Variants in DEPDC1B observed in about 807,000 individuals in gnomAD.
The protein encoded by DEPDC1B is DEP domain-containing protein 1B.
Under a neutral mutation model 66.5 loss-of-function variants are expected in DEPDC1B, and 51 were observed. That is an observed-to-expected ratio of 0.77 (90% CI 0.61 to 0.97). The LOEUF is 0.97. DEPDC1B is among the 50% of genes least tolerant of loss of function. DEPDC1B has a pLI of 0.00. For missense variants in DEPDC1B, 552 were observed against 637.1 expected (o/e 0.87, Z 1.44); for synonymous variants, 226 against 223.6 (o/e 1.01, Z -0.10).
intron 2 of DEPDC1B, among the ~76,000 whole-genome samples, chr5:60,648,376 C>A (rs1005537179): frequency 6.6e-6 from 1 of 152,180 alleles, no homozygotes; most frequent in African/African-American, 2.4e-5. Context: ...TGTGTCCTGA[C>A]GCTTCTCTAA....
Position 60,638,938 on chromosome 5 carries a change from C to T in DEPDC1B, c.758-48G>A, listed in dbSNP as rs147980798. ...AGAGAAACATTAATGGAGTAATTAC[C>T]TCTAAGTATTATTCTCTGTGAATAT... is the stretch of plus-strand genomic sequence containing the variant. On this transcript the variant is annotated intron_variant, in intron 6 of 10. Coordinates refer to ENST00000265036, the MANE Select transcript of DEPDC1B (RefSeq NM_018369.3). 2.0e-4 allele frequency: 323 copies of T among 1,588,848 alleles called. 2 individuals carry two copies. In the African/African-American group the frequency reaches 3.7e-3, roughly 18 times the overall value.
intron 1 of DEPDC1B, among the ~76,000 whole-genome samples, chr5:60,699,747 G>A (rs1754741055): frequency 6.6e-6 from 1 of 152,170 alleles, no homozygotes; most frequent in South Asian, 2.1e-4. Context: ...GAGGACAAAA[G>A]GCAGGGAACA....
chr5:60,673,968 T>C (rs866762313), intron 2 of DEPDC1B, among the ~76,000 whole-genome samples: 68 of 152,184 alleles, frequency 4.5e-4, no homozygotes, highest in African/African-American at 1.6e-3. Context: ...GCTAAGCATG[T>C]GGGAGTCATC....
intron 2 of DEPDC1B, among the ~76,000 whole-genome samples, chr5:60,675,509 C>T (rs1235428424): frequency 1.3e-5 from 2 of 152,104 alleles, no homozygotes; most frequent in Admixed American, 1.3e-4. Flanking sequence ...GGCTTGAAAA[C>T]AGTTACAGTT....
chr5:60,622,966 T>C (rs1206172781), intron 7 of DEPDC1B, among the ~76,000 whole-genome samples: 1 of 152,188 alleles, frequency 6.6e-6, no homozygotes, highest in Non-Finnish European at 1.5e-5. Flanking sequence ...TAACAGTATA[T>C]TTCAAAGAGC....
chr5:60,619,737 G>A (rs1191591298), intron 7 of DEPDC1B, among the ~76,000 whole-genome samples: 1 of 152,172 alleles, frequency 6.6e-6, no homozygotes, highest in African/African-American at 2.4e-5. Flanking sequence ...TAGATTCAAT[G>A]CCATCCCCAT....
intron 1 of DEPDC1B, among the ~76,000 whole-genome samples, chr5:60,698,653 T>C (rs924702357): frequency 6.7e-6 from 1 of 148,942 alleles, no homozygotes; most frequent in Non-Finnish European, 1.5e-5. Context: ...TCACAGACTC[T>C]CCCAATCTCC....
At position 60,613,828 on chromosome 5, in the gene DEPDC1B, G is replaced by GTGTGTGTGTGTA. The variant is rs3989094; in HGVS notation, c.899-7973_899-7972insTACACACACACA. Reference sequence around the variant, plus strand: ...TGTGTGTGTGTGTGTGTGTGTGTGTGTATACATAAAAAACAGATGTAGGGT... The same window carrying GTGTGTGTGTGTA: ...TGTGTGTGTGTGTGTGTGTGTGTGTGTGTGTGTGTGTATATACATAAAAAACAGATGTAGGGT... On this transcript the variant is annotated intron_variant, in intron 7 of 10. Transcript: ENST00000265036. 8.1e-3 allele frequency among the ~76,000 whole-genome samples: 1,177 copies of GTGTGTGTGTGTA among 144,440 alleles called. 15 individuals are homozygous for GTGTGTGTGTGTA. The highest frequency in any genetic ancestry group is 0.014 in the African/African-American group (524 of 38,136). 94.8% of individuals were successfully genotyped at this position (144,440 alleles called of 152,430 possible). A position where few individuals can be genotyped will look rare whatever the true frequency, so the allele number is the denominator to read the frequency against.
intron 1 of DEPDC1B, among the ~76,000 whole-genome samples, chr5:60,694,662 T>A (rs1395666299): frequency 6.6e-6 from 1 of 152,234 alleles, no homozygotes; most frequent in Non-Finnish European, 1.5e-5. Context: ...TTTCTTCTTC[T>A]GAGATTTGCC....
At chr5:60,623,589 A>G (rs1752753569) in intron 7 of DEPDC1B, among the ~76,000 whole-genome samples, 1 of 152,192 alleles carries the variant, frequency 6.6e-6, no homozygotes, top group African/African-American at 2.4e-5. Context: ...TAAATAATCC[A>G]TGTATCAATT....
At chr5:60,669,824 C>T (rs1753987052) in intron 2 of DEPDC1B, among the ~76,000 whole-genome samples, 1 of 152,132 alleles carries the variant, frequency 6.6e-6, no homozygotes, top group Non-Finnish European at 1.5e-5. Context: ...CTGAAAGACA[C>T]TCCTACCTTA....
intron 4 of DEPDC1B, 78 bp from the exon 5 acceptor site, chr5:60,644,953 C>A: frequency 8.5e-7 from 1 of 1,175,370 alleles, no homozygotes; most frequent in South Asian, 1.8e-5. Context: ...TACAAAAAAT[C>A]AATCTTTATA....
intron 2 of DEPDC1B, among the ~76,000 whole-genome samples, chr5:60,681,616 C>CGT: frequency 6.6e-6 from 1 of 152,108 alleles, no homozygotes. Flanking sequence ...AAACATGAAA[C>CGT]CTCCAAAGAG....
intron 1 of DEPDC1B, 137 bp from the exon 2 acceptor site, chr5:60,687,364 T>C: frequency 1.8e-6 from 2 of 1,109,076 alleles, no homozygotes; most frequent in East Asian, 2.6e-5. Context: ...GAAAATGTTT[T>C]ATTTACAGGC....
At chr5:60,619,157 T>C (rs1453026513) in intron 7 of DEPDC1B, among the ~76,000 whole-genome samples, 1 of 152,162 alleles carries the variant, frequency 6.6e-6, no homozygotes, top group Non-Finnish European at 1.5e-5. Flanking sequence ...TAAGAGCTAT[T>C]TATGACAAAC....
chr5:60,700,072 G>A lies in DEPDC1B; in HGVS notation c.22C>T (p.Pro8Ser). Residue 8 changes from proline (P) to serine (S), a missense_variant, in exon 1 of 11, where the codon CCC (proline) becomes TCC (serine). Coordinates refer to ENST00000265036, the MANE Select transcript of DEPDC1B (RefSeq NM_018369.3). ...AGCCTGGTAGCTCGGTACGGCCCGG[G>A]CCCCACGATGCGATGCTCCATGGCG... MEHRIVG[P>S]GPYRATRLWN... The A allele has an allele frequency of 6.4e-7, 1 of 1,557,422 alleles. No homozygotes were observed. The highest frequency in any genetic ancestry group is 8.7e-7 in the Non-Finnish European group (1 of 1,152,810).
chr5:60,668,158 ATTATATATATATAAAATGGATATT>A (rs1264511926), intron 2 of DEPDC1B, among the ~76,000 whole-genome samples: 820 of 21,302 alleles, frequency 0.038, 266 homozygotes, highest in African/African-American at 0.2. Context: ...TAAAATGGAT[ATTATATATATATAAAATGGATATT>A]TTATATATAT....
At chr5:60,602,626 C>T (rs1057061186) in intron 9 of DEPDC1B, among the ~76,000 whole-genome samples, 1 of 152,104 alleles carries the variant, frequency 6.6e-6, no homozygotes, top group African/African-American at 2.4e-5. Flanking sequence ...TATTATATTT[C>T]TTTTGCATTG....
Position 60,700,028 on chromosome 5 carries a change from C to G in DEPDC1B, c.48+18G>C. On this transcript the variant is annotated intron_variant, in intron 1 of 10. Transcript: ENST00000265036. ...GCGGCACCGGGTGCTCCGCCCAGGC[C>G]CCAGCACACTCACTCACCAGCCTGG... 1 of 1,551,564 alleles carries G rather than the reference C, an allele frequency of 6.4e-7. No homozygotes were observed. The highest frequency in any genetic ancestry group is 8.7e-7 in the Non-Finnish European group (1 of 1,148,896).
Sources: gnomAD v4.1 joint callset for allele counts (sites outside exome capture counted in the v4.1 genomes callset) on GRCh38, gnomAD v4.1.1 for gene constraint, MANE v1.5 for transcripts, NCBI Gene and HGNC (gene_info 2026-07-23, HGNC 2026-07-21) for gene names.